Variants in BPIFA1 observed in about 807,000 individuals in gnomAD.
The protein encoded by BPIFA1 is BPI fold-containing family A member 1.
Under a neutral mutation model 25.1 loss-of-function variants are expected in BPIFA1, and 24 were observed. That is an observed-to-expected ratio of 0.96 (90% CI 0.69 to 1.35). The LOEUF is 1.35. BPIFA1 is among the 40% of genes most tolerant of loss of function. The probability of loss-of-function intolerance (pLI) is 0.00; values close to 1 mark genes in which losing one functional copy is unlikely to be tolerated. For synonymous variants in BPIFA1, 139 were observed against 131.8 expected, an observed-to-expected ratio of 1.05 and a Z score of -0.37; for missense variants, 344 against 303.7, an observed-to-expected ratio of 1.13 and a Z score of -0.99.
intron 1 of BPIFA1, among the ~76,000 whole-genome samples, chr20:33,237,240 GT>G (rs1978721325): frequency 6.6e-6 from 1 of 152,190 alleles, no homozygotes. Context: ...ACACAAGTGG[GT>G]TTCAAGAAGG....
rs3746392 is a variant in BPIFA1 at position 33,239,524 on chromosome 20, G to T, written c.321-279G>T. 1.9e-4 allele frequency among the ~76,000 whole-genome samples: 29 copies of T among 152,136 alleles called. No individual in the cohort carries two copies. The East Asian group carries it at 3.7e-3, about 19-fold the overall frequency. The stretch of plus-strand genomic sequence containing the variant: ...GCTCTTAGCTGGCATACAGGATGCA[G>T]ATATAATCCAGACACAGTTGTTGTC... On this transcript the variant is annotated intron_variant, in intron 3 of 8. Transcript: ENST00000354297.
intron 1 of BPIFA1, among the ~76,000 whole-genome samples, chr20:33,237,076 AGAGCAGCAAT>A (rs1244965431): frequency 6.6e-6 from 1 of 152,212 alleles, no homozygotes; most frequent in African/African-American, 2.4e-5. Flanking sequence ...CTTTGTCTGA[AGAGCAGCAAT>A]GATTCAAACC....
At chr20:33,242,344 G>A (rs1160406662) in intron 7 of BPIFA1, 143 bp from the exon 8 acceptor site, 1 of 1,096,902 alleles carries the variant, frequency 9.1e-7, no homozygotes, top group Non-Finnish European at 1.3e-6. Context: ...GTAGAAGGAG[G>A]CCTGGCTTCC....
intron 7 of BPIFA1, among the ~76,000 whole-genome samples, 160 bp from the exon 8 acceptor site, chr20:33,242,327 C>T (rs1480700077): frequency 6.6e-6 from 1 of 152,172 alleles, no homozygotes; most frequent in Non-Finnish European, 1.5e-5. Context: ...GACAGCTGGG[C>T]TGGTTGGTAG....
chr20:33,241,863 G>T (rs1388340026), intron 6 of BPIFA1, among the ~76,000 whole-genome samples, 193 bp from the exon 7 acceptor site: 1 of 152,172 alleles, frequency 6.6e-6, no homozygotes, highest in Non-Finnish European at 1.5e-5. Context: ...CTTGTTGTGT[G>T]ATTTGGGGCC....
chr20:33,241,914 T>C, intron 6 of BPIFA1, 142 bp from the exon 7 acceptor site: 1 of 740,452 alleles, frequency 1.4e-6, no homozygotes, highest in South Asian at 1.6e-5. Flanking sequence ...TCCTCAGGCA[T>C]GTGTGACCAT....
At chr20:33,241,522 A>G (rs372966714) in intron 6 of BPIFA1, 53 bp downstream of exon 6, 4 of 1,499,564 alleles carry the variant, frequency 2.7e-6, no homozygotes, top group Non-Finnish European at 3.7e-6. Flanking sequence ...AGCTTCTTGC[A>G]CTAAAACAAA....
At chr20:33,242,243 C>A in intron 7 of BPIFA1, 124 bp downstream of exon 7, 1 of 1,089,516 alleles carries the variant, frequency 9.2e-7, no homozygotes, top group Non-Finnish European at 1.4e-6. Flanking sequence ...CTATTTTGGG[C>A]TTCATTTTCC....
rs149077045 is a variant in BPIFA1, at chr20:33,241,181, C to T, written c.582-204C>T. 1.5e-3 allele frequency among the ~76,000 whole-genome samples: 230 copies of T among 152,346 alleles called. 1 individual carries two copies. The highest frequency in any genetic ancestry group is 5.4e-3 in the African/African-American group (223 of 41,574). ...TTCTGAGAACCATGTGTTTATCCTACACATACCTGTGTGTTCACTGCTGTA... is the reference window on the plus strand; with the variant it reads ...TTCTGAGAACCATGTGTTTATCCTATACATACCTGTGTGTTCACTGCTGTA... On this transcript the variant is annotated intron_variant, in intron 5 of 8. Transcript: ENST00000354297.
intron 1 of BPIFA1, 119 bp downstream of exon 1, chr20:33,236,169 G>A (rs754378642): frequency 6.6e-6 from 1 of 152,192 alleles, no homozygotes; most frequent in Non-Finnish European, 1.5e-5. Flanking sequence ...AAGAGAAACA[G>A]ACCTGGCCAA....
At chr20:33,242,414 T>G in intron 7 of BPIFA1, 73 bp from the exon 8 acceptor site, 14 of 1,559,714 alleles carry the variant, frequency 9.0e-6, no homozygotes, top group Middle Eastern at 1.7e-4. Flanking sequence ...CCCCCCACCT[T>G]GAGGAATATG....
intron 3 of BPIFA1, among the ~76,000 whole-genome samples, chr20:33,239,581 G>A (rs1015977087): frequency 6.6e-6 from 1 of 152,204 alleles, no homozygotes; most frequent in African/African-American, 2.4e-5. Flanking sequence ...GATAAGGAAA[G>A]GGCCCTGTGT....
intron 3 of BPIFA1, among the ~76,000 whole-genome samples, chr20:33,238,662 C>T (rs1413781062): frequency 1.3e-5 from 2 of 152,138 alleles, no homozygotes; most frequent in African/African-American, 4.8e-5. Flanking sequence ...ACACAGACGG[C>T]CTTTGATGTT....
chr20:33,239,967 C>T, intron 4 of BPIFA1, 57 bp downstream of exon 4: 1 of 1,516,350 alleles, frequency 6.6e-7, no homozygotes, highest in South Asian at 1.1e-5. Context: ...ACCCTGGTGA[C>T]CATGGTTAAC....
Position 33,237,729 on chromosome 20 carries a change from C to A in BPIFA1, c.18C>A (p.Gly6=). The A allele has an allele frequency of 6.8e-7, 1 of 1,465,900 alleles. No homozygotes were observed. Among genetic ancestry groups the A allele is most frequent in the Non-Finnish European group, 9.0e-7 (1 of 1,105,788 alleles). The allele number at this position is 1,465,900 out of a possible 1,614,324, so 90.8% of individuals were successfully genotyped here. The change falls in exon 2 of 9, where the codon GGC becomes GGA. Residue 6 remains glycine, a synonymous_variant. Coordinates refer to ENST00000354297, the MANE Select transcript of BPIFA1 (RefSeq NM_130852.3). MFQTG[G]LIVFYGLLAQ... ...GAGCAAAGATGTTTCAAACTGGGGG[C>A]CTCATTGTCTTCTACGGGCTGTTAG... is the stretch of plus-strand genomic sequence containing the variant.
chr20:33,242,667 C>G, intron 8 of BPIFA1, 106 bp downstream of exon 8: 1 of 820,566 alleles, frequency 1.2e-6, no homozygotes, highest in Non-Finnish European at 2.0e-6. Flanking sequence ...AAGAGACAAA[C>G]ATCTACAGAG....
chr20:33,241,371 CTT>C lies in BPIFA1; in HGVS notation c.582-11_582-10del. 6.2e-7 allele frequency: 1 copy of C among 1,607,726 alleles called. No individual in the cohort carries two copies. The highest frequency in any genetic ancestry group is 8.5e-7 in the Non-Finnish European group (1 of 1,174,104). On this transcript the variant is annotated splice_polypyrimidine_tract_variant and intron_variant, in intron 5 of 8. Coordinates refer to ENST00000354297, the MANE Select transcript of BPIFA1 (RefSeq NM_130852.3). ...CTCCAGGTCCCTGCATCACCCATGA[CTT>C]TTCTCTTTCAGACTTGGCCCCCTCC...
rs760652134 is a variant in BPIFA1 at position 33,237,773 on chromosome 20, T to G, written c.62T>G (p.Phe21Cys). 1.9e-6 allele frequency: 3 copies of G among 1,590,152 alleles called. No homozygotes were observed. The African/African-American group carries it at 4.0e-5, about 21-fold the overall frequency. Residue 21 changes from phenylalanine to cysteine, a missense_variant, in exon 2 of 9, where the codon TTT becomes TGT. Physicochemically the swap from Phe to Cys is radical, Grantham distance 205. Transcript: ENST00000354297. The part of the protein sequence containing the change: ...YGLLAQTMAQ[F>C]GGLPVPLDQT... ...CTGTTAGCCCAGACCATGGCCCAGT[T>G]TGGAGGCCTGCCCGTGCCCCTGGAC...
chr20:33,237,747 G>T lies in BPIFA1; in HGVS notation c.36G>T (p.Gly12=), dbSNP rs770343234. The change falls in exon 2 of 9, where the codon GGG becomes GGT. Residue 12 remains glycine (G), a synonymous_variant. Transcript: ENST00000354297. ...FQTGGLIVFY[G]LLAQTMAQFG... Reference sequence around the variant, plus strand: ...CTGGGGGCCTCATTGTCTTCTACGGGCTGTTAGCCCAGACCATGGCCCAGT... The same window carrying T: ...CTGGGGGCCTCATTGTCTTCTACGGTCTGTTAGCCCAGACCATGGCCCAGT... 6 of 1,513,862 alleles carry T rather than the reference G, an allele frequency of 4.0e-6. No homozygotes were observed. In the Admixed American group the frequency reaches 6.6e-5, roughly 17 times the overall value. The allele number at this position is 1,513,862 out of a possible 1,614,324, so 93.8% of individuals were successfully genotyped here.
Sources: gnomAD v4.1 joint callset for allele counts (sites outside exome capture counted in the v4.1 genomes callset) on GRCh38, gnomAD v4.1.1 for gene constraint, MANE v1.5 for transcripts, NCBI Gene and HGNC (gene_info 2026-07-23, HGNC 2026-07-21) for gene names.